The following ITSN2 variants were observed in gnomAD, a reference collection of about 807,000 sequenced individuals.
ITSN2 encodes the protein intersectin 2.
Under a neutral mutation model 243.7 loss-of-function variants are expected in ITSN2, and 156 were observed. That is an observed-to-expected ratio of 0.64 (90% CI 0.56 to 0.73). The LOEUF (loss-of-function observed/expected upper bound fraction) is 0.73, where lower values mean the gene tolerates loss of function less well. Ranked by LOEUF, ITSN2 falls within the 30% of genes least tolerant of loss-of-function variation. ITSN2 has a pLI of 0.00. For missense variants in ITSN2, 1,801 were observed against 1,996.1 expected, an observed-to-expected ratio of 0.90 and a Z score of 1.86; for synonymous variants, 703 against 699.9, an observed-to-expected ratio of 1.00 and a Z score of -0.07.
At chr2:24,298,173 T>C (rs1330346324) in intron 13 of ITSN2, among the ~76,000 whole-genome samples, 4 of 151,914 alleles carry the variant, frequency 2.6e-5, no homozygotes, top group Admixed American at 2.0e-4. Context: ...TGTTTGTTTG[T>C]TTGAGACGGA....
At chr2:24,263,644 AT>A (rs1676209647) in intron 20 of ITSN2, among the ~76,000 whole-genome samples, 1 of 152,048 alleles carries the variant, frequency 6.6e-6, no homozygotes, top group Admixed American at 6.6e-5. Flanking sequence ...ATTAGTTTAC[AT>A]TTTCTAAAAT....
Position 24,305,754 on chromosome 2 carries a change from C to T in ITSN2, c.794-1892G>A, listed in dbSNP as rs189846761. Among the ~76,000 whole-genome samples the T allele has an allele frequency of 3.5e-3, 530 of 152,194 alleles. 2 individuals carry two copies. Among genetic ancestry groups the T allele is most frequent in the Non-Finnish European group, 4.6e-3 (313 of 68,010 alleles). ...CTTGTCTTTACCTACAGATATATAG[C>T]TTTACCCTTGTAGGTCTCAGAATAA... On this transcript the variant is annotated intron_variant, in intron 8 of 39. Coordinates refer to ENST00000355123, the MANE Select transcript of ITSN2 (RefSeq NM_006277.3).
chr2:24,345,739 T>C lies in ITSN2; in HGVS notation c.-34+14565A>G, dbSNP rs567390905. 3.9e-5 allele frequency among the ~76,000 whole-genome samples: 6 copies of C among 152,320 alleles called. No homozygotes were observed. The East Asian group carries it at 1.2e-3, about 29-fold the overall frequency. ...ATTACAATAATAGATATTATATTAA[T>C]AGTAAGCTTTTACCTGTAACATATG... On this transcript the variant is annotated intron_variant, in intron 1 of 39. Transcript: ENST00000355123.
chr2:24,344,413 A>T (rs1235567281), intron 1 of ITSN2, among the ~76,000 whole-genome samples: 1 of 152,214 alleles, frequency 6.6e-6, no homozygotes, highest in Non-Finnish European at 1.5e-5. Context: ...GTTTCTGTAT[A>T]ATCTTGCCAA....
In ITSN2 at chr2:24,261,484, T is replaced by C. The variant is rs141055017; in HGVS notation, c.2537+77A>G. The C allele has an allele frequency of 1.5e-5, 18 of 1,172,278 alleles. No homozygotes were observed. The African/African-American group carries it at 2.6e-4, about 17-fold the overall frequency. The allele number at this position is 1,172,278 out of a possible 1,614,324, so 72.6% of individuals were successfully genotyped here. On this transcript the variant is annotated intron_variant, in intron 21 of 39. Transcript: ENST00000355123. ...CCCGGATTACACTATGATGAAGTAG[T>C]AGGCTGACACCATTATATATTAGGT...
intron 1 of ITSN2, chr2:24,334,960 G>A (rs1038410913): frequency 5.3e-5 from 19 of 359,862 alleles, no homozygotes; most frequent in African/African-American, 3.5e-4. Context: ...CTACTCGGGA[G>A]GCTGAGGCAG....
chr2:24,218,386 A>G (rs1573891215), intron 30 of ITSN2, among the ~76,000 whole-genome samples: 1 of 152,256 alleles, frequency 6.6e-6, no homozygotes. Context: ...GGAGCATCGT[A>G]GAGTTCTAGA....
At chr2:24,287,136 C>T (rs1259339593) in intron 15 of ITSN2, among the ~76,000 whole-genome samples, 1 of 152,120 alleles carries the variant, frequency 6.6e-6, no homozygotes. Flanking sequence ...TGTACATACT[C>T]AACTTTTATT....
chr2:24,288,047 C>T (rs912492869), intron 15 of ITSN2, among the ~76,000 whole-genome samples: 1 of 151,884 alleles, frequency 6.6e-6, no homozygotes, highest in African/African-American at 2.4e-5. Flanking sequence ...TGATGAAGTC[C>T]CACTTGTTTA....
intron 2 of ITSN2, among the ~76,000 whole-genome samples, chr2:24,318,699 G>C (rs1275731240): frequency 6.6e-6 from 1 of 152,144 alleles, no homozygotes; most frequent in Admixed American, 6.5e-5. Flanking sequence ...ACCACTCCTG[G>C]ACATGATGCA....
Position 24,209,211 on chromosome 2 carries a change from A to G in ITSN2, c.4484T>C (p.Leu1495Pro). 6.2e-7 allele frequency: 1 copy of G among 1,614,098 alleles called. No individual in the cohort carries two copies. Among genetic ancestry groups the G allele is most frequent in the Non-Finnish European group, 8.5e-7 (1 of 1,179,942 alleles). The change falls in exon 36 of 40, where the codon CTG becomes CCG. Residue 1495 changes from leucine (L) to proline (P), a missense_variant. Around this residue, in one of 5 missense-constraint regions of ITSN2, gnomAD observed 928 missense variants for 1,065.4 expected, o/e 0.87. Coordinates refer to ENST00000355123, the MANE Select transcript of ITSN2 (RefSeq NM_006277.3). ...GGGCAGTTTCACCAAGACTTCATTC[A>G]GGAAAATGGGCTGAAAGAATTAGGG... is the stretch of plus-strand genomic sequence containing the variant. ...QFKMYKTPIF[L>P]NEVLVKLPTD...
At chr2:24,245,516 T>G (rs1339200836) in intron 29 of ITSN2, among the ~76,000 whole-genome samples, 2 of 152,048 alleles carry the variant, frequency 1.3e-5, no homozygotes, top group Non-Finnish European at 2.9e-5. Flanking sequence ...TTTCACCTTG[T>G]TGCCCATGCT....
intron 2 of ITSN2, among the ~76,000 whole-genome samples, chr2:24,324,656 C>G (rs567316740): frequency 3.3e-5 from 5 of 151,882 alleles, no homozygotes; most frequent in African/African-American, 9.7e-5. Context: ...TGAGACCAGC[C>G]TGGTCAACAT....
chr2:24,261,079 A>C, intron 22 of ITSN2, 27 bp downstream of exon 22: 1 of 1,596,244 alleles, frequency 6.3e-7, no homozygotes, highest in East Asian at 2.2e-5. Context: ...CAAAGAATAA[A>C]GCCCACAAAA....
intron 37 of ITSN2, among the ~76,000 whole-genome samples, chr2:24,206,900 G>A (rs1558421229): frequency 6.6e-6 from 1 of 152,088 alleles, no homozygotes; most frequent in African/African-American, 2.4e-5. Flanking sequence ...GTTTGACGTG[G>A]GCCTTGAAGG....
chr2:24,295,532 CTCCTGACCTCAGGGGA>C (rs768936212), intron 14 of ITSN2, 116 bp downstream of exon 14: 17 of 580,548 alleles, frequency 2.9e-5, no homozygotes, highest in Non-Finnish European at 4.8e-5. Flanking sequence ...TGGTCTCGAA[CTCCTGACCTCAGGGGA>C]TCCACCCGCC....
chr2:24,253,717 C>A (rs1224099884), intron 24 of ITSN2, among the ~76,000 whole-genome samples: 1 of 152,162 alleles, frequency 6.6e-6, no homozygotes, highest in Non-Finnish European at 1.5e-5. Context: ...GAATCTTCAA[C>A]GTAACAGATA....
intron 8 of ITSN2, among the ~76,000 whole-genome samples, chr2:24,307,498 C>T (rs1682706654): frequency 6.6e-6 from 1 of 152,128 alleles, no homozygotes; most frequent in Non-Finnish European, 1.5e-5. Flanking sequence ...ACCCGTGAAC[C>T]TACCACCCAT....
At chr2:24,328,715 A>G (rs553167680) in intron 1 of ITSN2, among the ~76,000 whole-genome samples, 40 of 152,294 alleles carry the variant, frequency 2.6e-4, no homozygotes, top group Non-Finnish European at 4.1e-4. Context: ...TGCCCACGTC[A>G]GCCTCCCAAA....
Sources: allele counts gnomAD v4.1 joint callset (sites outside exome capture counted in the v4.1 genomes callset), GRCh38; gene constraint gnomAD v4.1.1; regional missense constraint gnomAD v4.1.1; transcripts MANE v1.5; gene names NCBI Gene and HGNC (gene_info 2026-07-23, HGNC 2026-07-21).